The following NDST3 variants were observed in gnomAD, a reference collection of about 807,000 sequenced individuals.
The protein encoded by NDST3 is bifunctional heparan sulfate N-deacetylase/N-sulfotransferase 3.
In NDST3, 58 loss-of-function variants were observed where a neutral mutation model predicts 96.1. That is an observed-to-expected ratio of 0.60 (90% CI 0.49 to 0.75). The LOEUF is 0.75. Among genes scored for constraint, NDST3 ranks in the 30% least tolerant of loss-of-function variants. The pLI is 0.00. For synonymous variants in NDST3, 333 were observed against 359.7 expected (o/e 0.93, Z 0.84); for missense variants, 788 against 1,034.2 (o/e 0.76, Z 3.27).
intron 11 of NDST3, among the ~76,000 whole-genome samples, chr4:118,240,952 G>A (rs1002139665): frequency 1.3e-5 from 2 of 152,134 alleles, no homozygotes; most frequent in Non-Finnish European, 2.9e-5. Flanking sequence ...CTTTAGATAC[G>A]ATTCTTATCC....
At chr4:118,241,545 A>G (rs1222735658) in intron 11 of NDST3, among the ~76,000 whole-genome samples, 1 of 152,186 alleles carries the variant, frequency 6.6e-6, no homozygotes, top group Non-Finnish European at 1.5e-5. Context: ...TCCATGTTCA[A>G]GTTTCCTGAG....
chr4:118,115,042 G>A (rs1392568717), intron 4 of NDST3, 82 bp downstream of exon 4: 34 of 1,422,646 alleles, frequency 2.4e-5, no homozygotes, highest in Admixed American at 5.8e-5. Flanking sequence ...GCATAGTTGC[G>A]CTTTTCAGTG....
intron 4 of NDST3, among the ~76,000 whole-genome samples, chr4:118,129,855 G>T (rs1732460673): frequency 6.6e-6 from 1 of 151,756 alleles, no homozygotes; most frequent in African/African-American, 2.4e-5. Flanking sequence ...TTTTTATATA[G>T]CTGTGTGCTC....
chr4:118,111,482 A>T (rs1730628128), intron 3 of NDST3, among the ~76,000 whole-genome samples: 1 of 151,872 alleles, frequency 6.6e-6, no homozygotes, highest in South Asian at 2.1e-4. Context: ...CGACAGTCCA[A>T]CCAAATGTAA....
At chr4:118,109,747 T>C (rs910744387) in intron 3 of NDST3, among the ~76,000 whole-genome samples, 2 of 152,208 alleles carry the variant, frequency 1.3e-5, no homozygotes, top group Non-Finnish European at 2.9e-5. Context: ...TATATTGTCT[T>C]CCTTTCTAAA....
In NDST3 at chr4:118,171,408, G is replaced by C. The variant is rs182959448; in HGVS notation, c.1539+27724G>C. 3.3e-5 allele frequency among the ~76,000 whole-genome samples: 5 copies of C among 152,278 alleles called. No homozygotes were observed. The East Asian group carries it at 5.8e-4, about 18-fold the overall frequency. On this transcript the variant is annotated intron_variant, in intron 6 of 13. Transcript: ENST00000296499. ...CTTCAATCTTACCTCCAGGGCATAT[G>C]ATATTGTATCATATCTGAGATTTAG...
chr4:118,050,788 G>A lies in NDST3; in HGVS notation c.-155-2968G>A, dbSNP rs145743512. Among the ~76,000 whole-genome samples, 11 of 152,152 alleles carry A rather than the reference G, an allele frequency of 7.2e-5. No homozygotes were observed. The East Asian group carries it at 1.9e-3, about 27-fold the overall frequency. ...TTAGAAGAATCAGTATCATTAAAAT[G>A]GCCATACTGCTTAAAGCAATTTACA... On this transcript the variant is annotated intron_variant, in intron 1 of 13. Transcript: ENST00000296499.
chr4:118,189,642 T>C (rs576770807), intron 6 of NDST3, among the ~76,000 whole-genome samples: 1 of 152,256 alleles, frequency 6.6e-6, no homozygotes, highest in East Asian at 1.9e-4. Context: ...ACCAAAACCT[T>C]TACTCTTTGA....
rs114413923 is a variant in NDST3, at chr4:118,165,656, T to G, written c.1539+21972T>G. On this transcript the variant is annotated intron_variant, in intron 6 of 13. Transcript: ENST00000296499. ...CACACAAAATACATTCCAGGATAGA[T>G]TACATGTTGGATCACAAAATAAGTC... 8.2e-3 allele frequency among the ~76,000 whole-genome samples: 1,241 copies of G among 152,100 alleles called. 7 individuals carry two copies. The highest frequency in any genetic ancestry group is 0.014 in the Non-Finnish European group (939 of 67,894).
intron 2 of NDST3, among the ~76,000 whole-genome samples, chr4:118,085,144 T>A (rs1387152644): frequency 7.9e-6 from 1 of 127,006 alleles, no homozygotes; most frequent in African/African-American, 2.7e-5. Flanking sequence ...CAACAACAAC[T>A]GGAATGAAAA....
chr4:118,035,876 T>C, intron 1 of NDST3, among the ~76,000 whole-genome samples: 1 of 152,210 alleles, frequency 6.6e-6, no homozygotes, highest in East Asian at 1.9e-4. Context: ...CTTACATTAC[T>C]AAAATGTTTT....
chr4:118,197,937 C>G (rs1297911810), intron 6 of NDST3, among the ~76,000 whole-genome samples: 1 of 151,406 alleles, frequency 6.6e-6, no homozygotes, highest in African/African-American at 2.4e-5. Context: ...GTAGCTGAGA[C>G]TACAGACACA....
chr4:118,161,073 A>G (rs1735084098), intron 6 of NDST3, among the ~76,000 whole-genome samples: 2 of 152,076 alleles, frequency 1.3e-5, no homozygotes, highest in African/African-American at 4.8e-5. Flanking sequence ...TCTGTTTGTT[A>G]GTTTTCCTTC....
intron 3 of NDST3, among the ~76,000 whole-genome samples, chr4:118,105,928 C>T (rs891376633): frequency 6.6e-6 from 1 of 152,178 alleles, no homozygotes; most frequent in Non-Finnish European, 1.5e-5. Context: ...ATATTCCCAA[C>T]AGTATGAGTG....
At chr4:118,100,793 T>C (rs961308433) in intron 2 of NDST3, among the ~76,000 whole-genome samples, 2 of 152,178 alleles carry the variant, frequency 1.3e-5, no homozygotes, top group Admixed American at 6.5e-5. Flanking sequence ...ACTTAAACTA[T>C]GTAAATCATG....
chr4:118,196,440 T>C (rs1325055467), intron 6 of NDST3, among the ~76,000 whole-genome samples: 3 of 152,190 alleles, frequency 2.0e-5, no homozygotes, highest in African/African-American at 7.2e-5. Context: ...ATTTTTTAAA[T>C]GTTTAGCATA....
intron 4 of NDST3, among the ~76,000 whole-genome samples, chr4:118,126,537 C>T (rs200762718): frequency 4.9e-5 from 1 of 20,298 alleles, no homozygotes; most frequent in East Asian, 2.1e-3. Flanking sequence ...TATATATACA[C>T]ATATATATAT....
intron 5 of NDST3, 78 bp from the exon 6 acceptor site, chr4:118,143,478 T>C (rs1733712353): frequency 6.8e-7 from 1 of 1,467,674 alleles, no homozygotes; most frequent in Non-Finnish European, 9.3e-7. Flanking sequence ...CATCATCTTG[T>C]GTGAGCAAAA....
intron 1 of NDST3, among the ~76,000 whole-genome samples, chr4:118,039,287 T>C (rs1578520662): frequency 6.6e-6 from 1 of 152,238 alleles, no homozygotes; most frequent in Non-Finnish European, 1.5e-5. Context: ...GTTTATATTA[T>C]TGCCTTGACT....
Sources: gnomAD v4.1 joint callset for allele counts (sites outside exome capture counted in the v4.1 genomes callset) on GRCh38, gnomAD v4.1.1 for gene constraint, MANE v1.5 for transcripts, NCBI Gene and HGNC (gene_info 2026-07-23, HGNC 2026-07-21) for gene names.